The following CDH2 variants were observed in gnomAD, a reference collection of about 807,000 sequenced individuals.
CDH2 encodes the protein cadherin 2.
In CDH2, 17 loss-of-function variants were observed where a neutral mutation model predicts 92.0. The observed-to-expected ratio is 0.18, with a 90% CI of 0.13 to 0.28. The LOEUF (loss-of-function observed/expected upper bound fraction) is 0.28. CDH2 is among the 10% of genes least tolerant of loss of function. The pLI, the probability that CDH2 is intolerant of heterozygous loss-of-function variation, is 1.00. For missense variants in CDH2, 862 were observed against 1,133.1 expected (o/e 0.76, Z 3.44); for synonymous variants, 419 against 415.9 (o/e 1.01, Z -0.09).
chr18:28,077,196 T>C (rs1410995727), intron 2 of CDH2, among the ~76,000 whole-genome samples: 1 of 152,166 alleles, frequency 6.6e-6, no homozygotes. Flanking sequence ...TTAAGCCTAC[T>C]AAAACTGGTA....
At chr18:27,970,646 T>C (rs1257143454) in intron 14 of CDH2, among the ~76,000 whole-genome samples, 1 of 152,214 alleles carries the variant, frequency 6.6e-6, no homozygotes, top group Non-Finnish European at 1.5e-5. Context: ...TTACATAAAC[T>C]TCCCATGCTA....
chr18:28,083,012 C>T (rs17468755), intron 2 of CDH2, among the ~76,000 whole-genome samples: 3,666 of 152,166 alleles, frequency 0.024, 63 homozygotes, highest in East Asian at 0.053. Flanking sequence ...ACAGTTGATG[C>T]CAACTGAGCA....
chr18:28,103,294 A>T (rs1183078774), intron 2 of CDH2, among the ~76,000 whole-genome samples: 1 of 144,750 alleles, frequency 6.9e-6, no homozygotes, highest in Non-Finnish European at 1.5e-5. Context: ...ATATATAAAA[A>T]CTCCTTTATA....
chr18:28,058,533 G>C (rs2014340570), intron 2 of CDH2, among the ~76,000 whole-genome samples: 1 of 152,182 alleles, frequency 6.6e-6, no homozygotes, highest in Non-Finnish European at 1.5e-5. Flanking sequence ...TGACATTTTA[G>C]CCTGGATGGT....
intron 2 of CDH2, among the ~76,000 whole-genome samples, chr18:28,021,749 T>C (rs528571556): frequency 1.3e-5 from 2 of 152,068 alleles, no homozygotes; most frequent in East Asian, 3.9e-4. Context: ...ATAAACCAAA[T>C]GAATGAAAAT....
chr18:27,948,730 T>C (rs1433426889), downstream of CDH2, among the ~76,000 whole-genome samples: 1 of 151,962 alleles, frequency 6.6e-6, no homozygotes, highest in Non-Finnish European at 1.5e-5. Flanking sequence ...GAGGTATCTT[T>C]TGTTGCCTAT....
intron 4 of CDH2, among the ~76,000 whole-genome samples, chr18:28,011,014 C>T (rs2013083470): frequency 1.3e-5 from 2 of 150,616 alleles, no homozygotes; most frequent in African/African-American, 2.4e-5. Context: ...GAGACAGTAT[C>T]TTAATTTAGA....
chr18:28,135,170 G>T (rs1026601537), intron 2 of CDH2, among the ~76,000 whole-genome samples: 4 of 152,160 alleles, frequency 2.6e-5, no homozygotes, highest in African/African-American at 9.7e-5. Flanking sequence ...TAGAATTTAT[G>T]AAATTGCTCA....
At chr18:28,161,028 T>C (rs1337992194) in intron 1 of CDH2, among the ~76,000 whole-genome samples, 1 of 152,194 alleles carries the variant, frequency 6.6e-6, no homozygotes, top group Non-Finnish European at 1.5e-5. Flanking sequence ...CTTTCAACTT[T>C]GTTTAGTTCA....
intron 1 of CDH2, among the ~76,000 whole-genome samples, chr18:28,172,246 TATAAC>T (rs2016476615): frequency 6.6e-6 from 1 of 152,136 alleles, no homozygotes; most frequent in African/African-American, 2.4e-5. Flanking sequence ...AAGAGACTAT[TATAAC>T]ATAAATCATA....
intron 6 of CDH2, among the ~76,000 whole-genome samples, chr18:27,937,003 T>C (rs1598974596): frequency 6.6e-6 from 1 of 152,338 alleles, no homozygotes; most frequent in Non-Finnish European, 1.5e-5. Context: ...GGTAAAAAGA[T>C]GTGCAAGCAA....
intron 1 of CDH2, among the ~76,000 whole-genome samples, chr18:28,169,025 T>C (rs1413662621): frequency 6.6e-6 from 1 of 152,116 alleles, no homozygotes; most frequent in Non-Finnish European, 1.5e-5. Context: ...ATCTCTAAAA[T>C]GAGAGCAAAA....
chr18:28,073,699 T>C (rs535000623), intron 2 of CDH2, among the ~76,000 whole-genome samples: 4 of 152,300 alleles, frequency 2.6e-5, no homozygotes, highest in African/African-American at 7.2e-5. Context: ...AACACATTTA[T>C]TGAACTGACA....
At chr18:27,942,768 T>C (rs553271655) in intron 6 of CDH2, among the ~76,000 whole-genome samples, 64 of 152,220 alleles carry the variant, frequency 4.2e-4, no homozygotes, top group Non-Finnish European at 4.0e-4. Context: ...AACTGGAAAA[T>C]GAAACATGTC....
chr18:28,091,747 G>C (rs190759485), intron 2 of CDH2, among the ~76,000 whole-genome samples: 227 of 152,188 alleles, frequency 1.5e-3, no homozygotes, highest in African/African-American at 5.2e-3. Flanking sequence ...TGTTTCCAAA[G>C]AAAATGGTAA....
chr18:27,961,463 T>A (rs2011402160), intron 15 of CDH2, among the ~76,000 whole-genome samples: 1 of 152,048 alleles, frequency 6.6e-6, no homozygotes, highest in South Asian at 2.1e-4. Context: ...GGCTGAATCC[T>A]GAAGGCGAAG....
chr18:28,137,570 A>C (rs1049227854), intron 2 of CDH2, among the ~76,000 whole-genome samples: 172 of 148,438 alleles, frequency 1.2e-3, no homozygotes, highest in Non-Finnish European at 2.1e-3. Context: ...AAGGTATTAA[A>C]GGCAAAAAAA....
intron 3 of CDH2, among the ~76,000 whole-genome samples, chr18:28,013,010 A>G (rs1435315275): frequency 6.6e-6 from 1 of 152,226 alleles, no homozygotes; most frequent in Non-Finnish European, 1.5e-5. Flanking sequence ...AACTCAAAAA[A>G]CTAAAATATT....
In CDH2 at chr18:28,085,662, T is replaced by C. The variant is rs1053793640; in HGVS notation, c.172+62011A>G. On this transcript the variant is annotated intron_variant, in intron 2 of 15. Transcript: ENST00000269141. ...TACTTTGTACTGACTGACATTGTCA[T>C]GTCCATAAGCATCTCAAAGTCACAC... 4.6e-5 allele frequency among the ~76,000 whole-genome samples: 7 copies of C among 152,166 alleles called. No homozygotes were observed. The South Asian group carries it at 8.3e-4, about 18-fold the overall frequency.
Sources: gnomAD v4.1 joint callset for allele counts (sites outside exome capture counted in the v4.1 genomes callset) on GRCh38, gnomAD v4.1.1 for gene constraint, MANE v1.5 for transcripts, NCBI Gene and HGNC (gene_info 2026-07-23, HGNC 2026-07-21) for gene names.